DIP2C: variants seen among roughly 807,000 people sequenced by gnomAD.
The protein encoded by DIP2C is DIP2 acetate--CoA ligase C (putative), also known as disco-interacting protein 2 homolog C.
A neutral mutation model predicts 192.4 loss-of-function variants in DIP2C; 33 were observed. That is an observed-to-expected ratio of 0.17 (90% CI 0.13 to 0.23). The LOEUF (loss-of-function observed/expected upper bound fraction) is 0.23. Ranked by LOEUF, DIP2C falls within the 10% of genes least tolerant of loss-of-function variation. The pLI, the probability that DIP2C is intolerant of heterozygous loss-of-function variation, is 1.00. For missense variants in DIP2C, 1,537 were observed against 2,110.1 expected (o/e 0.73, Z 5.32); for synonymous variants, 979 against 864.1 (o/e 1.13, Z -2.33).
At chr10:674,288 C>A (rs1830778450) in intron 1 of DIP2C, among the ~76,000 whole-genome samples, 1 of 152,054 alleles carries the variant, frequency 6.6e-6, no homozygotes, top group African/African-American at 2.4e-5. Flanking sequence ...TAATGGAAAT[C>A]AAAAGTGAGC....
chr10:528,313 TGCAGACCGCCCACAGCTCCCCCAGAAA>T (rs1312093542), intron 1 of DIP2C, among the ~76,000 whole-genome samples: 7 of 147,406 alleles, frequency 4.7e-5, no homozygotes, highest in African/African-American at 1.8e-4. Context: ...CCACCCAGAA[TGCAGACCGCCCACAGCTCCCCCAGAAA>T]GCAGACCGCC....
intron 1 of DIP2C, among the ~76,000 whole-genome samples, chr10:490,491 C>T (rs1252555168): frequency 3.9e-5 from 6 of 152,200 alleles, no homozygotes; most frequent in Admixed American, 6.5e-5. Flanking sequence ...AAGGCTATTT[C>T]GAAAGTCAAC....
In DIP2C at chr10:413,872, G is replaced by A. The variant is rs758192439; in HGVS notation, c.1057+41C>T. The stretch of plus-strand genomic sequence containing the variant: ...TTCCTGCGTTCGGGAGTGGCTGTGC[G>A]AGGGGGTGGGCAAAGGGCAGAGAGT... On this transcript the variant is annotated intron_variant, in intron 8 of 36. Coordinates refer to ENST00000280886, the MANE Select transcript of DIP2C (RefSeq NM_014974.3). The A allele has an allele frequency of 1.3e-5, 20 of 1,596,870 alleles. No individual in the cohort carries two copies. The Middle Eastern group carries it at 5.5e-4, about 44-fold the overall frequency.
chr10:369,043 T>C (rs1960647358), intron 18 of DIP2C, among the ~76,000 whole-genome samples: 1 of 152,150 alleles, frequency 6.6e-6, no homozygotes, highest in Non-Finnish European at 1.5e-5. Flanking sequence ...TGGAAAAAGG[T>C]CTCTACTGCT....
chr10:364,702 C>A (rs1959968012), intron 19 of DIP2C, 120 bp from the exon 20 acceptor site: 2 of 1,159,086 alleles, frequency 1.7e-6, no homozygotes, highest in South Asian at 1.5e-5. Flanking sequence ...CCCCAGCAAC[C>A]CTGCCCTAGG....
intron 1 of DIP2C, among the ~76,000 whole-genome samples, chr10:526,076 G>A (rs191540516): frequency 7.2e-5 from 11 of 152,256 alleles, no homozygotes; most frequent in Admixed American, 6.5e-4. Context: ...ACTCACCATC[G>A]GTCCCAAGTT....
intron 1 of DIP2C, among the ~76,000 whole-genome samples, chr10:602,868 C>G (rs561458320): frequency 6.6e-6 from 1 of 152,228 alleles, no homozygotes; most frequent in African/African-American, 2.4e-5. Context: ...TGGGTGAGGC[C>G]GGACAGCAAC....
rs1356914890 is a variant in DIP2C, at chr10:651,095, ACTCT to A, written c.85+38395_85+38398del. ...CTCTTGTCTCTCCCACACCTCCCAAACTCTCTCCTGGCCAGCTCTCGCCACACTC... is the reference window on the plus strand; with the variant it reads ...CTCTTGTCTCTCCCACACCTCCCAAACTCCTGGCCAGCTCTCGCCACACTC... On this transcript the variant is annotated intron_variant, in intron 1 of 36. Transcript: ENST00000280886. This position sits in a 1 kb window ranked among gnomAD's most constrained non-coding sequence, Gnocchi z 4.1. 1.4e-6 allele frequency: 1 copy of A among 715,336 alleles called. No individual in the cohort carries two copies. The highest frequency in any genetic ancestry group is 2.6e-6 in the Non-Finnish European group (1 of 384,576). The allele number at this position is 715,336 out of a possible 1,614,324, so 44.3% of individuals were successfully genotyped here. A position where few individuals can be genotyped will look rare whatever the true frequency, so the allele number is the denominator to read the frequency against.
chr10:484,711 C>A, intron 2 of DIP2C: 10 of 1,535,808 alleles, frequency 6.5e-6, no homozygotes, highest in Non-Finnish European at 8.7e-6. Flanking sequence ...TACGGGATGG[C>A]ACTCGGCGGG....
intron 1 of DIP2C, among the ~76,000 whole-genome samples, chr10:577,774 C>T (rs756370880): frequency 5.9e-5 from 9 of 151,770 alleles, no homozygotes; most frequent in Non-Finnish European, 1.2e-4. Context: ...AGGAACTTGG[C>T]TGAGACTAAA....
At chr10:377,794 A>C (rs1961808249) in intron 17 of DIP2C, among the ~76,000 whole-genome samples, 2 of 152,188 alleles carry the variant, frequency 1.3e-5, no homozygotes, top group Non-Finnish European at 2.9e-5. Flanking sequence ...ATACTTTCAA[A>C]AACTAGAAGA....
At chr10:381,969 C>CATATTT (rs1465398514) in intron 17 of DIP2C, among the ~76,000 whole-genome samples, 1 of 152,154 alleles carries the variant, frequency 6.6e-6, no homozygotes, top group Admixed American at 6.5e-5. Flanking sequence ...CCTACAACAG[C>CATATTT]ATATTTAGGC....
rs539290652 is a variant in DIP2C, at chr10:572,149, G to A, written c.86-85619C>T. On this transcript the variant is annotated intron_variant, in intron 1 of 36. Coordinates refer to ENST00000280886, the MANE Select transcript of DIP2C (RefSeq NM_014974.3). ...TAACAGGAGACTCCCTCAGCCTGCCGGGAGCTGGGGCCCTCGACAGCCTCA... is the reference window on the plus strand; with the variant it reads ...TAACAGGAGACTCCCTCAGCCTGCCAGGAGCTGGGGCCCTCGACAGCCTCA... Among the ~76,000 whole-genome samples, 56 of 152,308 alleles carry A rather than the reference G, an allele frequency of 3.7e-4. No individual in the cohort carries two copies. The South Asian group carries it at 8.1e-3, about 22-fold the overall frequency.
intron 5 of DIP2C, among the ~76,000 whole-genome samples, chr10:420,657 C>CA (rs1404460221): frequency 6.6e-6 from 1 of 152,184 alleles, no homozygotes; most frequent in Non-Finnish European, 1.5e-5. Context: ...TATCTTATGC[C>CA]AAATTGGCTT....
intron 1 of DIP2C, among the ~76,000 whole-genome samples, chr10:578,917 G>A (rs1446752049): frequency 6.6e-6 from 1 of 150,788 alleles, no homozygotes; most frequent in African/African-American, 2.4e-5. Context: ...CACAGTGTGT[G>A]CACATAGGCA....
intron 31 of DIP2C, chr10:324,855 C>T (rs1464606363): frequency 4.0e-6 from 2 of 495,310 alleles, no homozygotes; most frequent in Admixed American, 4.5e-5. Context: ...CACGCCAACT[C>T]TGTTCTTCAT....
At chr10:381,607 C>T (rs531162083) in intron 17 of DIP2C, among the ~76,000 whole-genome samples, 5 of 152,322 alleles carry the variant, frequency 3.3e-5, no homozygotes, top group South Asian at 2.1e-4. Context: ...TGCGTGCCCA[C>T]GTGCAACACC....
At chr10:493,966 C>T (rs906739041) in intron 1 of DIP2C, among the ~76,000 whole-genome samples, 2 of 152,222 alleles carry the variant, frequency 1.3e-5, no homozygotes, top group African/African-American at 4.8e-5. Flanking sequence ...TCAGATGCCC[C>T]AGCAGGGAGA....
At position 399,307 on chromosome 10, in the gene DIP2C, G is replaced by A. The variant is rs901559304; in HGVS notation, c.1150-88C>T. The stretch of plus-strand genomic sequence containing the variant: ...GAAGAGCTTGGTTCTAGGTGAGAGG[G>A]CACGCTTCAGTGAGAACCAGATCCT... On this transcript the variant is annotated intron_variant, in intron 9 of 36. Coordinates refer to ENST00000280886, the MANE Select transcript of DIP2C (RefSeq NM_014974.3). 627 of 968,430 alleles carry A rather than the reference G, an allele frequency of 6.5e-4. 4 individuals carry two copies. The highest frequency in any genetic ancestry group is 1.7e-4 in the Admixed American group (9 of 54,338). 60.0% of individuals were successfully genotyped at this position (968,430 alleles called of 1,614,324 possible).
Sources: allele counts gnomAD v4.1 joint callset (sites outside exome capture counted in the v4.1 genomes callset), GRCh38; gene constraint gnomAD v4.1.1; non-coding constraint Gnocchi (gnomAD v3.1); transcripts MANE v1.5; gene names NCBI Gene and HGNC (gene_info 2026-07-23, HGNC 2026-07-21).